The following SLC35F1 variants were observed in gnomAD, a reference collection of about 807,000 sequenced individuals.
SLC35F1 encodes the protein solute carrier family 35 member F1, also known as chromosome 6 open reading frame 169.
Under a neutral mutation model 48.7 loss-of-function variants are expected in SLC35F1, and 14 were observed. The observed-to-expected ratio is 0.29, with a 90% CI of 0.19 to 0.45. The LOEUF is 0.45. SLC35F1 is among the 20% of genes least tolerant of loss of function. The pLI, the probability that SLC35F1 is intolerant of heterozygous loss-of-function variation, is 1.00. For missense variants in SLC35F1, 404 were observed against 500.0 expected (o/e 0.81, Z 1.83); for synonymous variants, 190 against 202.2 (o/e 0.94, Z 0.51).
chr6:118,306,435 T>TC (rs1477879346), intron 7 of SLC35F1, among the ~76,000 whole-genome samples: 1 of 152,220 alleles, frequency 6.6e-6, no homozygotes, highest in Non-Finnish European at 1.5e-5. Flanking sequence ...TCAGTATTTT[T>TC]CCCTGGCTTT....
At chr6:118,273,457 A>C (rs188091681) in intron 4 of SLC35F1, among the ~76,000 whole-genome samples, 1 of 152,318 alleles carries the variant, frequency 6.6e-6, no homozygotes, top group Admixed American at 6.5e-5. Flanking sequence ...TGATATTCAT[A>C]ATAATGACCC....
intron 2 of SLC35F1, among the ~76,000 whole-genome samples, chr6:118,156,102 ATCAATAG>A (rs1305151116): frequency 6.6e-6 from 1 of 152,176 alleles, no homozygotes; most frequent in Non-Finnish European, 1.5e-5. Flanking sequence ...AAAGTTTAAC[ATCAATAG>A]TCATTATTAT....
intron 1 of SLC35F1, among the ~76,000 whole-genome samples, chr6:118,037,012 C>T (rs969835307): frequency 6.6e-5 from 10 of 152,160 alleles, no homozygotes; most frequent in African/African-American, 2.4e-4. Flanking sequence ...CATGTCTCTA[C>T]TCTGTTTTCT....
chr6:117,993,936 A>G (rs1407800653), intron 1 of SLC35F1, among the ~76,000 whole-genome samples: 1 of 152,160 alleles, frequency 6.6e-6, no homozygotes, highest in Non-Finnish European at 1.5e-5. Context: ...CAAATTTGTT[A>G]TTTCACGGTT....
intron 1 of SLC35F1, among the ~76,000 whole-genome samples, chr6:117,959,121 T>C (rs1238622316): frequency 6.6e-6 from 1 of 152,212 alleles, no homozygotes; most frequent in Non-Finnish European, 1.5e-5. Flanking sequence ...ATTTATAAAA[T>C]GAGGATATTC....
chr6:118,272,952 C>G (rs1418875002), intron 4 of SLC35F1, among the ~76,000 whole-genome samples: 1 of 148,470 alleles, frequency 6.7e-6, no homozygotes, highest in Non-Finnish European at 1.5e-5. Flanking sequence ...AAATTATGTT[C>G]TGGTTAATTT....
rs75457244 is a variant in SLC35F1 at position 118,175,934 on chromosome 6, G to A, written c.349+21314G>A. Among the ~76,000 whole-genome samples, 720 of 151,974 alleles carry A rather than the reference G, an allele frequency of 4.7e-3. 3 individuals carry two copies. The highest frequency in any genetic ancestry group is 0.016 in the African/African-American group (683 of 41,484). ...CTTATTTATAGTGAGACCAATTAGCGAGAGGGAAAAAAAAAGTTGGTGGAG... is the reference window on the plus strand; with the variant it reads ...CTTATTTATAGTGAGACCAATTAGCAAGAGGGAAAAAAAAAGTTGGTGGAG... On this transcript the variant is annotated intron_variant, in intron 2 of 7. Transcript: ENST00000360388.
At chr6:118,181,611 G>C (rs565048264) in intron 2 of SLC35F1, among the ~76,000 whole-genome samples, 1 of 152,014 alleles carries the variant, frequency 6.6e-6, no homozygotes, top group South Asian at 2.1e-4. Flanking sequence ...TCAGAAATCA[G>C]TATCAATGTC....
chr6:117,986,896 G>A (rs149430654), intron 1 of SLC35F1, among the ~76,000 whole-genome samples: 8 of 152,226 alleles, frequency 5.3e-5, no homozygotes, highest in South Asian at 2.1e-4. Flanking sequence ...GCTTAGTTCA[G>A]TTCCTTATCT....
Position 118,277,556 on chromosome 6 carries a change from T to G in SLC35F1, c.847+10T>G. 1 of 1,612,956 alleles carries G rather than the reference T, an allele frequency of 6.2e-7. No individual in the cohort carries two copies. The highest frequency in any genetic ancestry group is 8.5e-7 in the Non-Finnish European group (1 of 1,178,964). ...TGGGACTGGCAAATAGGTAAGGAGT[T>G]GGCTCACATACGATGCTCTTTTTAT... is the stretch of plus-strand genomic sequence containing the variant. On this transcript the variant is annotated intron_variant, in intron 6 of 7. Transcript: ENST00000360388.
intron 1 of SLC35F1, among the ~76,000 whole-genome samples, chr6:117,951,767 A>C (rs1455543059): frequency 2.0e-5 from 3 of 152,226 alleles, no homozygotes; most frequent in Non-Finnish European, 2.9e-5. Flanking sequence ...CCCCACACTA[A>C]TGCTCTTTTG....
At chr6:118,242,441 AT>A (rs1775453004) in intron 3 of SLC35F1, among the ~76,000 whole-genome samples, 1 of 152,018 alleles carries the variant, frequency 6.6e-6, no homozygotes, top group African/African-American at 2.4e-5. Flanking sequence ...TGAAAGAAAG[AT>A]ATTGAAGTGG....
chr6:118,085,604 G>C (rs1772978064), intron 1 of SLC35F1, among the ~76,000 whole-genome samples: 1 of 135,958 alleles, frequency 7.4e-6, no homozygotes, highest in East Asian at 2.4e-4. Context: ...TCAGCCTCCT[G>C]AATAGCTGGG....
intron 1 of SLC35F1, among the ~76,000 whole-genome samples, chr6:117,922,108 T>G (rs1390428611): frequency 6.6e-6 from 1 of 152,200 alleles, no homozygotes; most frequent in East Asian, 1.9e-4. Context: ...AAAGTACTTT[T>G]TTTCTAAAAG....
At chr6:118,297,747 T>C (rs1776209507) in intron 7 of SLC35F1, among the ~76,000 whole-genome samples, 1 of 30,550 alleles carries the variant, frequency 3.3e-5, no homozygotes, top group South Asian at 9.2e-4. Flanking sequence ...GAGAAATATA[T>C]ATATATAATA....
intron 1 of SLC35F1, among the ~76,000 whole-genome samples, chr6:118,119,199 A>G (rs1374873959): frequency 1.3e-5 from 2 of 152,154 alleles, no homozygotes; most frequent in Non-Finnish European, 2.9e-5. Flanking sequence ...AAAAATTTAA[A>G]ATAGGATGCT....
intron 1 of SLC35F1, among the ~76,000 whole-genome samples, chr6:118,051,343 C>A (rs943793533): frequency 6.6e-6 from 1 of 152,150 alleles, no homozygotes; most frequent in Non-Finnish European, 1.5e-5. Flanking sequence ...CATTGTGGAG[C>A]CAGCTCTCTT....
intron 2 of SLC35F1, among the ~76,000 whole-genome samples, chr6:118,173,305 T>A (rs1255615662): frequency 1.3e-5 from 2 of 151,562 alleles, no homozygotes; most frequent in African/African-American, 4.9e-5. Context: ...AAAATTTCAT[T>A]TGTAGGAGGA....
intron 1 of SLC35F1, among the ~76,000 whole-genome samples, chr6:117,959,781 A>G (rs938216052): frequency 6.6e-6 from 1 of 151,984 alleles, no homozygotes; most frequent in African/African-American, 2.4e-5. Context: ...TGCATAAAGA[A>G]TGCTACTTAT....
Sources: allele counts gnomAD v4.1 joint callset (sites outside exome capture counted in the v4.1 genomes callset), GRCh38; gene constraint gnomAD v4.1.1; transcripts MANE v1.5; gene names NCBI Gene and HGNC (gene_info 2026-07-23, HGNC 2026-07-21).